Variants in POGZ observed in about 807,000 individuals in gnomAD.
POGZ encodes pogo transposable element derived with ZNF domain, also known as pogo transposable element with ZNF domain.
POGZ carries 17 observed loss-of-function variants against 134.6 expected under a neutral mutation model. The observed-to-expected ratio is 0.13, with a 90% CI of 0.09 to 0.19. POGZ has a LOEUF of 0.19. POGZ is among the 10% of genes least tolerant of loss of function. POGZ has a pLI of 1.00. For missense variants in POGZ, 1,306 were observed against 1,769.7 expected, an observed-to-expected ratio of 0.74 and a Z score of 4.70; for synonymous variants, 693 against 657.1, an observed-to-expected ratio of 1.05 and a Z score of -0.84.
Position 151,408,523 on chromosome 1 carries a change from G to A in POGZ, c.2120C>T (p.Thr707Ile). Residue 707 changes from threonine (T) to isoleucine (I), a missense_variant, in exon 14 of 19, where the codon ACA (threonine) becomes ATA (isoleucine). This residue lies in a region of POGZ where 149 missense variants were observed against 237.5 expected (regional missense o/e 0.63). Coordinates refer to ENST00000271715, the MANE Select transcript of POGZ (RefSeq NM_015100.4). ...PRTVPVSSND[T>I]PPSALQEAAP... Reference sequence around the variant, plus strand: ...TGCCTCCTGCAAGGCGCTGGGAGGTGTATCATTAGAGGATACAGGAACAGT... The same window carrying A: ...TGCCTCCTGCAAGGCGCTGGGAGGTATATCATTAGAGGATACAGGAACAGT... The A allele has an allele frequency of 6.3e-7, 1 of 1,598,980 alleles. No homozygotes were observed. Among genetic ancestry groups the A allele is most frequent in the East Asian group, 2.2e-5 (1 of 44,850 alleles).
chr1:151,458,931 T>A (rs1446091532), intron 1 of POGZ, among the ~76,000 whole-genome samples: 1 of 140,474 alleles, frequency 7.1e-6, no homozygotes, highest in Non-Finnish European at 1.6e-5. Context: ...GCACACACAC[T>A]CGCGCTCGCG....
chr1:151,416,210 C>CAAAAAAAAAAAA (rs1212371839), intron 10 of POGZ, among the ~76,000 whole-genome samples: 52 of 42,434 alleles, frequency 1.2e-3, no homozygotes, highest in Non-Finnish European at 1.5e-3. Context: ...AACTCCATCT[C>CAAAAAAAAAAAA]AAAAAAAAAA....
chr1:151,431,731 T>C (rs991679555), intron 3 of POGZ, among the ~76,000 whole-genome samples: 3 of 152,236 alleles, frequency 2.0e-5, no homozygotes, highest in Admixed American at 2.0e-4. Flanking sequence ...TCTTAAATTC[T>C]TTTCATTTGT....
intron 1 of POGZ, among the ~76,000 whole-genome samples, chr1:151,458,879 C>CGCCGCCGGCCCTTCGCGCGGCT (rs1553238970): frequency 1.4e-4 from 20 of 145,432 alleles, no homozygotes; most frequent in Non-Finnish European, 2.9e-4. Flanking sequence ...CAGGGACCTC[C>CGCCGCCGGCCCTTCGCGCGGCT]GCCGCCGGCC....
At chr1:151,412,258 G>T in intron 11 of POGZ, 38 bp downstream of exon 11, 1 of 1,142,412 alleles carries the variant, frequency 8.8e-7, no homozygotes, top group Non-Finnish European at 1.3e-6. Flanking sequence ...CTTCCTGAGG[G>T]CAAAACTGCT....
intron 4 of POGZ, 120 bp downstream of exon 4, chr1:151,430,546 C>T: frequency 1.4e-6 from 1 of 695,434 alleles, no homozygotes; most frequent in Non-Finnish European, 2.3e-6. Context: ...AAGAGAAAGC[C>T]AGGTCAAAAG....
chr1:151,422,600 T>C (rs1488391014), intron 10 of POGZ, among the ~76,000 whole-genome samples: 1 of 152,208 alleles, frequency 6.6e-6, no homozygotes, highest in Non-Finnish European at 1.5e-5. Flanking sequence ...TATTATCTTT[T>C]TTTTTTTGGA....
At position 151,428,022 on chromosome 1, in the gene POGZ, T is replaced by C; in HGVS notation, c.879A>G (p.Pro293=). 6.2e-7 allele frequency: 1 copy of C among 1,614,080 alleles called. No homozygotes were observed. Among genetic ancestry groups the C allele is most frequent in the Non-Finnish European group, 8.5e-7 (1 of 1,180,002 alleles). ...NPKLAPSFPS[P]PAVSIASFVT... is the part of the protein sequence containing the mutation. ...CAAAGCTGGCAATGCTCACTGCAGG[T>C]GGAGAGGGGAAGGAGGGAGCTACGG... The change falls in exon 7 of 19, where the codon CCA becomes CCG. Residue 293 remains proline, a synonymous_variant. Transcript: ENST00000271715.
chr1:151,436,863 G>A (rs1659669086), intron 3 of POGZ, among the ~76,000 whole-genome samples: 1 of 152,180 alleles, frequency 6.6e-6, no homozygotes, highest in African/African-American at 2.4e-5. Flanking sequence ...TATACAGCTA[G>A]GAGTAGAACT....
At chr1:151,431,854 A>G (rs897178051) in intron 3 of POGZ, among the ~76,000 whole-genome samples, 2 of 152,270 alleles carry the variant, frequency 1.3e-5, no homozygotes, top group Non-Finnish European at 1.5e-5. Context: ...AAAATTTCAG[A>G]GAGCCAATAT....
chr1:151,455,428 C>A (rs1306518736), intron 1 of POGZ, among the ~76,000 whole-genome samples: 3 of 152,186 alleles, frequency 2.0e-5, no homozygotes, highest in African/African-American at 7.2e-5. Context: ...CTCCCAAGTT[C>A]CCCAAGGGAG....
chr1:151,423,912 T>C (rs777961546), intron 9 of POGZ, 37 bp downstream of exon 9: 9 of 1,481,096 alleles, frequency 6.1e-6, no homozygotes, highest in Non-Finnish European at 8.4e-6. Context: ...AAGTCTTCTC[T>C]TGTTCAAGGT....
In POGZ at chr1:151,406,411, G is replaced by C; in HGVS notation, c.2624C>G (p.Pro875Arg). 6.4e-7 allele frequency: 1 copy of C among 1,566,046 alleles called. No individual in the cohort carries two copies. Among genetic ancestry groups the C allele is most frequent in the Non-Finnish European group, 8.6e-7 (1 of 1,158,048 alleles). Reference sequence around the variant, plus strand: ...TTTGTTAGTGGGGAAGGAAGGAGGAGGGTACATATTCTTCACGTTCCGGTC... The same window carrying C: ...TTTGTTAGTGGGGAAGGAAGGAGGACGGTACATATTCTTCACGTTCCGGTC... ...VHDRNVKNMY[P>R]PPSFPTNKAA... is the part of the protein sequence containing the mutation. Residue 875 changes from proline to arginine, a missense_variant, in exon 19 of 19, where the codon CCT becomes CGT. Transcript: ENST00000271715.
At chr1:151,437,745 C>T (rs978667058) in intron 3 of POGZ, among the ~76,000 whole-genome samples, 1 of 152,048 alleles carries the variant, frequency 6.6e-6, no homozygotes, top group African/African-American at 2.4e-5. Flanking sequence ...GAGTAAGACT[C>T]TGTCTCAAAA....
intron 3 of POGZ, among the ~76,000 whole-genome samples, chr1:151,440,498 C>T (rs1660355091): frequency 1.3e-5 from 2 of 152,194 alleles, no homozygotes; most frequent in South Asian, 2.1e-4. Context: ...TAGACAACAA[C>T]CCTATCCTAT....
chr1:151,450,277 C>T (rs1661884993), intron 1 of POGZ, among the ~76,000 whole-genome samples: 1 of 151,044 alleles, frequency 6.6e-6, no homozygotes, highest in Non-Finnish European at 1.5e-5. Context: ...GGTGATCCAC[C>T]TGCCTTGGCC....
rs745835507 is a variant in POGZ, at chr1:151,405,612, A to C, written c.3423T>G (p.Asp1141Glu). The C allele has an allele frequency of 6.2e-7, 1 of 1,614,150 alleles. No homozygotes were observed. The highest frequency in any genetic ancestry group is 8.5e-7 in the Non-Finnish European group (1 of 1,180,020). ...FLDTEVLSSD[D>E]RKENALQTVG... ...CTGTCTGCAGGGCATTCTCCTTTCG[A>C]TCATCACTGCTCAGCACCTCTGTAT... The change falls in exon 19 of 19, where the codon GAT becomes GAG. Residue 1141 changes from aspartate to glutamate, a missense_variant. By Grantham distance (45) the Asp-to-Glu change is conservative. Coordinates refer to ENST00000271715, the MANE Select transcript of POGZ (RefSeq NM_015100.4). This position sits in a 1 kb window ranked among gnomAD's most constrained non-coding sequence, Gnocchi z 4.9.
chr1:151,402,816 G>A lies in POGZ; in HGVS notation c.*1986C>T, dbSNP rs1652965237. 1 of 152,468 alleles carries A rather than the reference G, an allele frequency of 6.6e-6. No homozygotes were observed. The highest frequency in any genetic ancestry group is 1.5e-5 in the Non-Finnish European group (1 of 68,034). 9.4% of individuals were successfully genotyped at this position (152,468 alleles called of 1,614,324 possible). ...CTTCTACTACTAAGCCATGCAGGCA[G>A]AGTCCACAAAGACAACTTCCTGGCC... On this transcript the variant is annotated 3_prime_UTR_variant, in exon 19 of 19. Coordinates refer to ENST00000271715, the MANE Select transcript of POGZ (RefSeq NM_015100.4).
chr1:151,447,085 T>G (rs1396254447), intron 1 of POGZ, among the ~76,000 whole-genome samples: 4 of 151,980 alleles, frequency 2.6e-5, no homozygotes, highest in Non-Finnish European at 4.4e-5. Flanking sequence ...TAAAAGACTA[T>G]AGTTTAAAAA....
Sources: allele counts gnomAD v4.1 joint callset (sites outside exome capture counted in the v4.1 genomes callset), GRCh38; gene constraint gnomAD v4.1.1; regional missense constraint gnomAD v4.1.1; non-coding constraint Gnocchi (gnomAD v3.1); transcripts MANE v1.5; gene names NCBI Gene and HGNC (gene_info 2026-07-23, HGNC 2026-07-21).